Variants in TACC2 observed in about 807,000 individuals in gnomAD.
The protein encoded by TACC2 is transforming acidic coiled-coil-containing protein 2.
In TACC2, 137 loss-of-function variants were observed where a neutral mutation model predicts 227.3. The ratio of observed to expected loss-of-function variants is 0.60; its 90% CI spans 0.52 to 0.69. TACC2 has a LOEUF of 0.69. TACC2 is among the 30% of genes least tolerant of loss of function. The pLI is 0.00. For missense variants in TACC2, 3,470 were observed against 3,694.4 expected, an observed-to-expected ratio of 0.94 and a Z score of 1.57; for synonymous variants, 1,523 against 1,487.5, an observed-to-expected ratio of 1.02 and a Z score of -0.55.
rs574895057 is a variant in TACC2, at chr10:122,128,902, C to T, written c.5574-3707C>T. ...TCTCTCTCTCTCTCTGTCACGTGCT[C>T]GTGTGTGTATGTCTATACATAGACT... On this transcript the variant is annotated intron_variant, in intron 5 of 22. Transcript: ENST00000369005. Among the ~76,000 whole-genome samples the T allele has an allele frequency of 1.4e-3, 218 of 151,858 alleles. 1 individual carries two copies. The highest frequency in any genetic ancestry group is 5.0e-3 in the African/African-American group (206 of 41,446).
chr10:122,033,404 A>C (rs1213030380), intron 2 of TACC2, among the ~76,000 whole-genome samples: 1 of 152,136 alleles, frequency 6.6e-6, no homozygotes, highest in African/African-American at 2.4e-5. Context: ...TATGTTCTGC[A>C]ATGCTGAATA....
intron 7 of TACC2, among the ~76,000 whole-genome samples, chr10:122,174,268 A>G (rs1349939556): frequency 6.6e-6 from 1 of 152,196 alleles, no homozygotes; most frequent in Non-Finnish European, 1.5e-5. Context: ...GCCTGCCCAG[A>G]TCAGCCTTAG....
At chr10:122,179,206 TA>T (rs2093869984) in intron 7 of TACC2, among the ~76,000 whole-genome samples, 1 of 152,234 alleles carries the variant, frequency 6.6e-6, no homozygotes, top group East Asian at 1.9e-4. Context: ...AGCATCTATT[TA>T]AACTCTTAAC....
At chr10:122,177,950 C>G (rs541735623) in intron 7 of TACC2, among the ~76,000 whole-genome samples, 3 of 152,096 alleles carry the variant, frequency 2.0e-5, no homozygotes, top group African/African-American at 7.2e-5. Flanking sequence ...CTGCCAAGAT[C>G]GAAGATGGAC....
chr10:122,050,651 C>T lies in TACC2; in HGVS notation c.146+101C>T. ...CCCCATTTGCTTTGGAAACTGGACC[C>T]TTAGACACATGGTATCGTCCTCAGT... On this transcript the variant is annotated intron_variant, in intron 3 of 22. Coordinates refer to ENST00000369005, the MANE Select transcript of TACC2 (RefSeq NM_206862.4). This position sits in a 1 kb window ranked among gnomAD's most constrained non-coding sequence, Gnocchi z 4.6. 1 of 863,912 alleles carries T rather than the reference C, an allele frequency of 1.2e-6. No individual in the cohort carries two copies. Among genetic ancestry groups the T allele is most frequent in the Non-Finnish European group, 1.9e-6 (1 of 537,776 alleles). The allele number at this position is 863,912 out of a possible 1,614,324, so 53.5% of individuals were successfully genotyped here.
chr10:122,195,059 G>A lies in TACC2; in HGVS notation c.5854G>A (p.Ala1952Thr). ...DLSRSSDSEE[A>T]FETPESTTPV... ...CATCAGGAGTTCCGATTCTGAAGAG[G>A]CATTTGAGACCCCGGAGTCAACGAC... The change falls in exon 8 of 23, where the codon GCA becomes ACA. Residue 1952 changes from alanine (A) to threonine (T), a missense_variant. Physicochemically the swap from Ala to Thr is moderately conservative, Grantham distance 58. Coordinates refer to ENST00000369005, the MANE Select transcript of TACC2 (RefSeq NM_206862.4). The A allele has an allele frequency of 6.2e-7, 1 of 1,613,094 alleles. No homozygotes were observed. The highest frequency in any genetic ancestry group is 1.7e-5 in the Admixed American group (1 of 59,912).
At chr10:122,044,074 A>G (rs1241714064) in intron 2 of TACC2, among the ~76,000 whole-genome samples, 1 of 152,218 alleles carries the variant, frequency 6.6e-6, no homozygotes, top group Non-Finnish European at 1.5e-5. Context: ...ACACACGTCA[A>G]ACTCTATTCT....
At chr10:121,999,128 C>T (rs1953953327) in intron 1 of TACC2, among the ~76,000 whole-genome samples, 1 of 151,980 alleles carries the variant, frequency 6.6e-6, no homozygotes, top group Admixed American at 6.6e-5. Context: ...ACTGCCTCAA[C>T]CTCCTGAGTA....
rs946315751 is a variant in TACC2 at position 122,083,046 on chromosome 10, A to G, written c.546A>G (p.Glu182=). The stretch of plus-strand genomic sequence containing the variant: ...GAAGAGAGAGACAGCCGAAGGAAGA[A>G]GGACAGAAGTCCTCCTTCTCCTTCT... The part of the protein sequence containing the change: ...SAGRERQPKE[E]GQKSSFSFSS... Residue 182 remains glutamate (E), a synonymous_variant, in exon 4 of 23, where the codon GAA becomes GAG. Coordinates refer to ENST00000369005, the MANE Select transcript of TACC2 (RefSeq NM_206862.4). The G allele has an allele frequency of 3.1e-6, 5 of 1,612,576 alleles. No homozygotes were observed. In the African/African-American group the frequency reaches 4.0e-5, roughly 13 times the overall value.
intron 14 of TACC2, 31 bp from the exon 15 acceptor site, chr10:122,229,315 C>T: frequency 1.2e-6 from 2 of 1,611,078 alleles, no homozygotes; most frequent in Admixed American, 1.7e-5. Context: ...CTCTATTTTT[C>T]TTGTGTGTCC....
intron 7 of TACC2, among the ~76,000 whole-genome samples, chr10:122,164,981 G>A (rs942383425): frequency 6.6e-6 from 1 of 152,124 alleles, no homozygotes; most frequent in Non-Finnish European, 1.5e-5. Context: ...CTCGACCCCT[G>A]GGCTTCAGTG....
intron 7 of TACC2, among the ~76,000 whole-genome samples, chr10:122,144,325 A>G (rs902988946): frequency 2.0e-5 from 3 of 152,240 alleles, no homozygotes; most frequent in African/African-American, 4.8e-5. Context: ...GTTGGATCAA[A>G]TATCTGGGTT....
intron 3 of TACC2, among the ~76,000 whole-genome samples, chr10:122,057,965 G>A (rs1276317066): frequency 2.6e-5 from 4 of 152,286 alleles, no homozygotes; most frequent in African/African-American, 7.2e-5. Flanking sequence ...CAGCCCTTTC[G>A]AAAGACTTGC....
intron 5 of TACC2, among the ~76,000 whole-genome samples, chr10:122,097,988 C>T (rs1016394854): frequency 1.3e-5 from 2 of 152,086 alleles, no homozygotes; most frequent in African/African-American, 4.8e-5. Context: ...TTTCAGGACA[C>T]GCTGGGTACA....
intron 1 of TACC2, among the ~76,000 whole-genome samples, chr10:122,000,236 A>G (rs1466710080): frequency 6.6e-6 from 1 of 152,134 alleles, no homozygotes; most frequent in East Asian, 1.9e-4. Context: ...AAAATTAGCC[A>G]GGCTTGGTGG....
chr10:122,143,611 G>C lies in TACC2; in HGVS notation c.5739G>C (p.Ser1913=). The C allele has an allele frequency of 6.2e-7, 1 of 1,614,068 alleles. No individual in the cohort carries two copies. The highest frequency in any genetic ancestry group is 8.5e-7 in the Non-Finnish European group (1 of 1,179,944). ...CTGCCCATGCGGGTCTTCCTCCCTC[G>C]GCTGCAGAACACATAGTTTCGCCAT... ...PAAAHAGLPP[S]AAEHIVSPSA... Residue 1913 remains serine (S), a synonymous_variant, in exon 7 of 23, where the codon TCG becomes TCC. Coordinates refer to ENST00000369005, the MANE Select transcript of TACC2 (RefSeq NM_206862.4).
chr10:122,073,291 G>C (rs947438388), intron 3 of TACC2, among the ~76,000 whole-genome samples: 1 of 151,736 alleles, frequency 6.6e-6, no homozygotes, highest in Non-Finnish European at 1.5e-5. Flanking sequence ...AGGGGAGCAG[G>C]GGGTCTCACC....
At chr10:122,047,775 G>A (rs1254427917) in intron 2 of TACC2, among the ~76,000 whole-genome samples, 2 of 152,168 alleles carry the variant, frequency 1.3e-5, no homozygotes, top group African/African-American at 2.4e-5. Flanking sequence ...AAAGATACTG[G>A]CCCAGTGCCT....
intron 2 of TACC2, among the ~76,000 whole-genome samples, chr10:122,024,154 GT>G (rs1359238811): frequency 6.6e-6 from 1 of 152,146 alleles, no homozygotes; most frequent in Non-Finnish European, 1.5e-5. Context: ...GATAGCTTCA[GT>G]CCTGGAGTTG....
Sources: allele counts gnomAD v4.1 joint callset (sites outside exome capture counted in the v4.1 genomes callset), GRCh38; gene constraint gnomAD v4.1.1; non-coding constraint Gnocchi (gnomAD v3.1); transcripts MANE v1.5; gene names NCBI Gene and HGNC (gene_info 2026-07-23, HGNC 2026-07-21).